The following KCNH3 variants were observed in gnomAD, a reference collection of about 807,000 sequenced individuals.
KCNH3 encodes the protein voltage-gated inwardly rectifying potassium channel KCNH3.
In KCNH3, 36 loss-of-function variants were observed where a neutral mutation model predicts 95.6. The observed-to-expected ratio is 0.38, with a 90% CI of 0.29 to 0.50. The LOEUF is 0.50. KCNH3 is among the 20% of genes least tolerant of loss of function. The pLI, the probability that KCNH3 is intolerant of heterozygous loss-of-function variation, is 0.95. For missense variants in KCNH3, 1,030 were observed against 1,484.1 expected, an observed-to-expected ratio of 0.69 and a Z score of 5.03; for synonymous variants, 620 against 646.3, an observed-to-expected ratio of 0.96 and a Z score of 0.62.
At chr12:49,543,566 G>A (rs375643016) in intron 5 of KCNH3, 48 bp downstream of exon 5, 3 of 1,570,878 alleles carry the variant, frequency 1.9e-6, no homozygotes, top group Non-Finnish European at 2.6e-6. Context: ...GGCGCCCTGG[G>A]GCTTTGCTGG....
chr12:49,550,370 G>A (rs1347452805), intron 10 of KCNH3, 41 bp downstream of exon 10: 3 of 1,565,974 alleles, frequency 1.9e-6, no homozygotes, highest in East Asian at 4.5e-5. Flanking sequence ...GCACGTGTGT[G>A]TGAGACCATG....
intron 7 of KCNH3, 151 bp from the exon 8 acceptor site, chr12:49,548,744 G>A (rs1938152890): frequency 2.8e-6 from 2 of 715,730 alleles, no homozygotes; most frequent in Non-Finnish European, 4.5e-6. Context: ...GGGTTGAGGG[G>A]GTGGAGAGGG....
intron 7 of KCNH3, among the ~76,000 whole-genome samples, chr12:49,548,311 CCTTGT>C (rs1220607866): frequency 1.3e-5 from 2 of 152,142 alleles, no homozygotes; most frequent in Non-Finnish European, 2.9e-5. Flanking sequence ...ATACATGTGT[CCTTGT>C]CTTCTTGACT....
rs1479515729 is a variant in KCNH3, at chr12:49,539,756, C to T, written c.76+264C>T. 2.6e-5 allele frequency among the ~76,000 whole-genome samples: 4 copies of T among 152,170 alleles called. No individual in the cohort carries two copies. Among genetic ancestry groups the T allele is most frequent in the Admixed American group, 1.3e-4 (2 of 15,286 alleles). On this transcript the variant is annotated intron_variant, in intron 1 of 14. Transcript: ENST00000257981. The surrounding 1 kb of genome is among the most constrained non-coding windows in gnomAD (Gnocchi z 6.7). ...GGGTCCTGGGATGCTCTCTGTTAGC[C>T]GGGTCTCGAACCCGAACCTAGTCAG...
At chr12:49,549,306 G>T (rs777982919) in intron 8 of KCNH3, 133 bp downstream of exon 8, 9 of 1,456,926 alleles carry the variant, frequency 6.2e-6, no homozygotes, top group Non-Finnish European at 2.8e-6. Flanking sequence ...CGAGGCCGGG[G>T]GTGGGGGAGA....
intron 9 of KCNH3, among the ~76,000 whole-genome samples, 190 bp downstream of exon 9, chr12:49,549,830 A>G (rs1330189389): frequency 6.6e-6 from 1 of 152,206 alleles, no homozygotes; most frequent in East Asian, 1.9e-4. Flanking sequence ...AACCGCAGTT[A>G]GGTCTGGGGG....
intron 7 of KCNH3, among the ~76,000 whole-genome samples, chr12:49,546,980 C>T (rs564544138): frequency 5.1e-4 from 77 of 152,278 alleles, no homozygotes; most frequent in African/African-American, 1.7e-3. Flanking sequence ...CTGCAACCTC[C>T]GCCTCCTGTG....
At chr12:49,556,587 T>A in intron 13 of KCNH3, 111 bp downstream of exon 13, 1 of 819,330 alleles carries the variant, frequency 1.2e-6, no homozygotes, top group Non-Finnish European at 2.1e-6. Context: ...GCAGACTGCC[T>A]GGAGGCCGTC....
In KCNH3 at chr12:49,557,591, C is replaced by T; in HGVS notation, c.2890C>T (p.Pro964Ser). Residue 964 changes from proline (P) to serine (S), a missense_variant, in exon 15 of 15, where the codon CCT becomes TCT. This residue lies in a region of KCNH3 where 464 missense variants were observed against 493.2 expected (regional missense o/e 0.94). Coordinates refer to ENST00000257981, the MANE Select transcript of KCNH3 (RefSeq NM_012284.3). The part of the protein sequence containing the change: ...GSVLSGTWPH[P>S]RPGPPPLMAP... The stretch of plus-strand genomic sequence containing the variant: ...TGTCTTGAGTGGGACTTGGCCCCAC[C>T]CTCGTCCGGGGCCTCCTCCCCTCAT... The T allele has an allele frequency of 6.2e-7, 1 of 1,613,072 alleles. No individual in the cohort carries two copies. Among genetic ancestry groups the T allele is most frequent in the East Asian group, 2.2e-5 (1 of 44,876 alleles).
intron 3 of KCNH3, among the ~76,000 whole-genome samples, chr12:49,542,060 G>A (rs982234535): frequency 1.3e-5 from 2 of 152,210 alleles, no homozygotes; most frequent in African/African-American, 4.8e-5. Context: ...AGTTAATAAG[G>A]TTGAGCACAG....
chr12:49,549,664 G>C (rs377669541), intron 9 of KCNH3, 24 bp downstream of exon 9: 5 of 1,590,142 alleles, frequency 3.1e-6, no homozygotes, highest in Middle Eastern at 1.7e-4. Context: ...GGCTGGGCCT[G>C]CTAGCCTTTG....
intron 13 of KCNH3, 65 bp downstream of exon 13, chr12:49,556,541 C>A: frequency 9.0e-7 from 1 of 1,106,864 alleles, no homozygotes. Flanking sequence ...ACCTCAAGCA[C>A]TGTTGACCTC....
rs2288078 is a variant in KCNH3 at position 49,544,796 on chromosome 12, C to G, written c.1189+414C>G. Among the ~76,000 whole-genome samples the G allele has an allele frequency of 8.5e-4, 129 of 151,992 alleles. No individual in the cohort carries two copies. The East Asian group carries it at 0.021, about 25-fold the overall frequency. On this transcript the variant is annotated intron_variant, in intron 7 of 14. Transcript: ENST00000257981. ...CAAGGCCCCTGCCTTTCTCTTGTCA[C>G]CTCCAGTCCACATTTCTTCTGTCAT...
chr12:49,541,544 GC>G (rs1030213501), intron 2 of KCNH3, 85 bp from the exon 3 acceptor site: 1 of 1,506,100 alleles, frequency 6.6e-7, no homozygotes, highest in African/African-American at 1.4e-5. Flanking sequence ...CCTGTGTCTT[GC>G]CCGGGATGTC....
chr12:49,554,570 ATG>A lies in KCNH3; in HGVS notation c.2136+19_2136+20del. On this transcript the variant is annotated intron_variant, in intron 11 of 14. Transcript: ENST00000257981. ...CTCTGCAGAGGTGAGTGTGCTGAGT[ATG>A]TGCTTGGAGGGGATGGGGGTGCCAG... 6.2e-7 allele frequency: 1 copy of A among 1,600,504 alleles called. No homozygotes were observed. The highest frequency in any genetic ancestry group is 8.5e-7 in the Non-Finnish European group (1 of 1,170,418).
intron 4 of KCNH3, 94 bp downstream of exon 4, chr12:49,542,933 G>T: frequency 1.4e-6 from 2 of 1,465,106 alleles, no homozygotes; most frequent in South Asian, 1.3e-5. Flanking sequence ...AATGTCCTAG[G>T]GGCCACCCAG....
In KCNH3 at chr12:49,540,948, G is replaced by T; in HGVS notation, c.126G>T (p.Val42=). 6.2e-7 allele frequency: 1 copy of T among 1,614,182 alleles called. No individual in the cohort carries two copies. Among genetic ancestry groups the T allele is most frequent in the African/African-American group, 1.3e-5 (1 of 75,074 alleles). The stretch of plus-strand genomic sequence containing the variant: ...CCCAGGTGGCGGGGCTCTTCCCCGT[G>T]GTCTACTGCTCTGATGGCTTCTGTG... ...GNAQVAGLFP[V]VYCSDGFCDL... is the part of the protein sequence containing the mutation. Residue 42 remains valine (V), a synonymous_variant, in exon 2 of 15, where the codon GTG becomes GTT. Transcript: ENST00000257981.
rs759650938 is a variant in KCNH3 at position 49,539,405 on chromosome 12, C to T, written c.-12C>T. On this transcript the variant is annotated 5_prime_UTR_variant, in exon 1 of 15. Coordinates refer to ENST00000257981, the MANE Select transcript of KCNH3 (RefSeq NM_012284.3). This position sits in a 1 kb window ranked among gnomAD's most constrained non-coding sequence, Gnocchi z 6.7. ...CCCGGAGGGATGGGGCGGGCAGCCGCGGGCGCCTAAGATGCCGGCCATGCG... is the reference window on the plus strand; with the variant it reads ...CCCGGAGGGATGGGGCGGGCAGCCGTGGGCGCCTAAGATGCCGGCCATGCG... The T allele has an allele frequency of 3.2e-6, 5 of 1,539,868 alleles. No individual in the cohort carries two copies. Among genetic ancestry groups the T allele is most frequent in the Non-Finnish European group, 3.5e-6 (4 of 1,149,402 alleles).
intron 8 of KCNH3, 66 bp downstream of exon 8, chr12:49,549,239 C>A: frequency 6.6e-7 from 1 of 1,521,470 alleles, no homozygotes; most frequent in Admixed American, 2.0e-5. Context: ...CGGCGCCGTC[C>A]CACTCCCCGG....
Sources: gnomAD v4.1 joint callset for allele counts (sites outside exome capture counted in the v4.1 genomes callset) on GRCh38, gnomAD v4.1.1 for gene constraint, gnomAD v4.1.1 regional missense constraint, Gnocchi (gnomAD v3.1) non-coding constraint, MANE v1.5 for transcripts, NCBI Gene and HGNC (gene_info 2026-07-23, HGNC 2026-07-21) for gene names.